Variants in FAM227A observed in about 807,000 individuals in gnomAD.
The protein encoded by FAM227A is protein FAM227A.
In FAM227A, 80 loss-of-function variants were observed where a neutral mutation model predicts 74.7. That is an observed-to-expected ratio of 1.07 (90% CI 0.89 to 1.29). The LOEUF is 1.29. FAM227A is among the 50% of genes most tolerant of loss of function. The pLI, the probability that FAM227A is intolerant of heterozygous loss-of-function variation, is 0.00. For missense variants in FAM227A, 654 were observed against 683.4 expected (o/e 0.96, Z 0.48); for synonymous variants, 237 against 241.8 (o/e 0.98, Z 0.19).
In FAM227A at chr22:38,607,378, A is replaced by G; in HGVS notation, c.1126+11T>C. 1 of 1,536,242 alleles carries G rather than the reference A, an allele frequency of 6.5e-7. No individual in the cohort carries two copies. The highest frequency in any genetic ancestry group is 1.4e-5 in the African/African-American group (1 of 72,634). On this transcript the variant is annotated intron_variant, in intron 12 of 16. Transcript: ENST00000535113. ...AAAAGCCTACATTTCCCTTTTTGGT[A>G]GTCAATATACCTTTTGCAGTATTCT...
chr22:38,652,652 C>T (rs565079956), intron 1 of FAM227A, among the ~76,000 whole-genome samples: 4 of 150,618 alleles, frequency 2.7e-5, no homozygotes, highest in South Asian at 2.1e-4. Flanking sequence ...TTTGGGAAGC[C>T]GAGGCAGGTG....
chr22:38,607,313 G>A (rs765980254), intron 12 of FAM227A, 76 bp downstream of exon 12: 50 of 1,125,394 alleles, frequency 4.4e-5, no homozygotes, highest in Admixed American at 3.4e-4. Flanking sequence ...CTGTTCATAC[G>A]AACCCAAGAA....
chr22:38,586,031 G>A lies in FAM227A; in HGVS notation c.*94C>T. ...ATCATGATTCCTATTTCTGTCTTTG[G>A]CCACAATTTTCTTATTTTCTTGTTC... On this transcript the variant is annotated 3_prime_UTR_variant, in exon 17 of 17. Coordinates refer to ENST00000535113, the MANE Select transcript of FAM227A (RefSeq NM_001013647.2). 1 of 1,546,120 alleles carries A rather than the reference G, an allele frequency of 6.5e-7. No homozygotes were observed. The highest frequency in any genetic ancestry group is 2.4e-5 in the East Asian group (1 of 40,860).
At position 38,579,746 on chromosome 22, in the gene FAM227A, A is replaced by G. The variant is rs906075457; in HGVS notation, c.*6379T>C. 6.6e-6 allele frequency: 1 copy of G among 152,180 alleles called. No individual in the cohort carries two copies. The highest frequency in any genetic ancestry group is 2.4e-5 in the African/African-American group (1 of 41,438). The allele number at this position is 152,180 out of a possible 1,614,324, so 9.4% of individuals were successfully genotyped here. The stretch of plus-strand genomic sequence containing the variant: ...ATTCCATCTGTGAATATTTCAGTAT[A>G]TATCTCTAAAATGTGATAACTCTTT... On this transcript the variant is annotated 3_prime_UTR_variant, in exon 17 of 17. Transcript: ENST00000535113.
At chr22:38,604,904 C>T (rs532631927) in intron 13 of FAM227A, among the ~76,000 whole-genome samples, 16 of 152,230 alleles carry the variant, frequency 1.1e-4, no homozygotes, top group South Asian at 4.1e-4. Context: ...CCACCTGCGT[C>T]GGCCTCCCAA....
rs1437789304 is a variant in FAM227A, at chr22:38,645,633, C to T, written c.155G>A (p.Gly52Asp). Residue 52 changes from glycine to aspartate, a missense_variant, in exon 3 of 17, where the codon GGC becomes GAC. Gly to Asp is a moderately conservative substitution (Grantham distance 94, BLOSUM62 -1). Transcript: ENST00000535113. ...LENNPPSCLI[G>D]SMHQVNQKIA... ...CTTTTGGTTCACCTGGTGCATGGAG[C>T]CAATAAGGCATGCTGGGAGGTTAGT... 2 of 1,550,390 alleles carry T rather than the reference C, an allele frequency of 1.3e-6. No individual in the cohort carries two copies. The highest frequency in any genetic ancestry group is 1.4e-5 in the African/African-American group (1 of 72,912).
intron 10 of FAM227A, among the ~76,000 whole-genome samples, chr22:38,622,788 A>G (rs1024168631): frequency 6.6e-6 from 1 of 151,070 alleles, no homozygotes; most frequent in African/African-American, 2.4e-5. Flanking sequence ...AGGCAGGAGA[A>G]TCACTTGAAT....
At chr22:38,645,183 A>G (rs2092209864) in intron 3 of FAM227A, among the ~76,000 whole-genome samples, 1 of 152,054 alleles carries the variant, frequency 6.6e-6, no homozygotes, top group Non-Finnish European at 1.5e-5. Context: ...CGAAGTCAAG[A>G]GAGCGAGCCC....
chr22:38,586,811 G>C (rs2090819639), intron 16 of FAM227A, among the ~76,000 whole-genome samples: 1 of 151,888 alleles, frequency 6.6e-6, no homozygotes. Context: ...TGGGATTATA[G>C]GCATGCACCA....
rs1569230036 is a variant in FAM227A at position 38,636,302 on chromosome 22, G to A, written c.519+149C>T. ...AGAAGGAATCTAGGTTTTGCAGTGA[G>A]GTTGGGCTAGGGTTCCTAGCTCAGC... On this transcript the variant is annotated intron_variant, in intron 6 of 16. Coordinates refer to ENST00000535113, the MANE Select transcript of FAM227A (RefSeq NM_001013647.2). The A allele has an allele frequency of 5.4e-6, 4 of 746,918 alleles. No individual in the cohort carries two copies. The East Asian group carries it at 1.2e-4, about 22-fold the overall frequency. 46.3% of individuals were successfully genotyped at this position (746,918 alleles called of 1,614,324 possible). A position where few individuals can be genotyped will look rare whatever the true frequency, so the allele number is the denominator to read the frequency against.
At chr22:38,639,629 A>G in intron 4 of FAM227A, 26 bp downstream of exon 4, 2 of 1,550,882 alleles carry the variant, frequency 1.3e-6, no homozygotes, top group Non-Finnish European at 1.7e-6. Flanking sequence ...TGAAAAGAGC[A>G]TCAAGGCTGA....
intron 11 of FAM227A, among the ~76,000 whole-genome samples, chr22:38,618,187 A>C (rs1374787656): frequency 6.6e-6 from 1 of 152,182 alleles, no homozygotes; most frequent in Non-Finnish European, 1.5e-5. Context: ...GGCAATTGAA[A>C]AACAGCAGAT....
chr22:38,644,597 A>G (rs8139227), intron 3 of FAM227A, among the ~76,000 whole-genome samples: 1 of 79,718 alleles, frequency 1.3e-5, no homozygotes, highest in Non-Finnish European at 3.0e-5. Flanking sequence ...AGAATGTACA[A>G]CACCAAGAAT....
At chr22:38,613,829 T>C (rs1468886376) in intron 11 of FAM227A, among the ~76,000 whole-genome samples, 1 of 152,176 alleles carries the variant, frequency 6.6e-6, no homozygotes, top group African/African-American at 2.4e-5. Context: ...ATTTTACTGA[T>C]AAGAAAACTG....
chr22:38,585,943 C>A lies in FAM227A; in HGVS notation c.*182G>T, dbSNP rs2090796915. 1.4e-6 allele frequency: 2 copies of A among 1,412,218 alleles called. No individual in the cohort carries two copies. The allele number at this position is 1,412,218 out of a possible 1,614,324, so 87.5% of individuals were successfully genotyped here. A position where few individuals can be genotyped will look rare whatever the true frequency, so the allele number is the denominator to read the frequency against. ...AAATGTAGTGACCCAAGCACCAACT[C>A]TCTACTCCTGCTTTTCACTCAGCCT... On this transcript the variant is annotated 3_prime_UTR_variant, in exon 17 of 17. Transcript: ENST00000535113.
chr22:38,634,671 T>C (rs977223470), intron 6 of FAM227A, among the ~76,000 whole-genome samples: 1 of 152,152 alleles, frequency 6.6e-6, no homozygotes. Context: ...TTGTACACTG[T>C]CCTGTAGGGA....
chr22:38,613,237 T>A (rs541859855), intron 11 of FAM227A, among the ~76,000 whole-genome samples: 368 of 58,504 alleles, frequency 6.3e-3, no homozygotes, highest in Admixed American at 0.011. Context: ...ATTATATATA[T>A]AATATATAAT....
intron 11 of FAM227A, among the ~76,000 whole-genome samples, chr22:38,617,436 C>T (rs920020670): frequency 4.6e-5 from 7 of 151,844 alleles, no homozygotes; most frequent in Admixed American, 4.6e-4. Flanking sequence ...GCTGGGACTA[C>T]AGGTGTGTGC....
intron 15 of FAM227A, among the ~76,000 whole-genome samples, chr22:38,595,978 G>T (rs931569267): frequency 7.3e-5 from 11 of 150,612 alleles, no homozygotes; most frequent in Admixed American, 4.0e-4. Context: ...TAAGGGGGGG[G>T]GGGCAGGATA....
Sources: allele counts gnomAD v4.1 joint callset (sites outside exome capture counted in the v4.1 genomes callset), GRCh38; gene constraint gnomAD v4.1.1; transcripts MANE v1.5; gene names NCBI Gene and HGNC (gene_info 2026-07-23, HGNC 2026-07-21).